The following SACS variants were observed in gnomAD, a reference collection of about 807,000 sequenced individuals.
SACS encodes the protein sacsin.
In SACS, 197 loss-of-function variants were observed where a neutral mutation model predicts 348.0. The observed-to-expected ratio is 0.57, with a 90% CI of 0.50 to 0.64. SACS has a LOEUF of 0.64. Among genes scored for constraint, SACS ranks in the 30% least tolerant of loss-of-function variants. The pLI, the probability that SACS is intolerant of heterozygous loss-of-function variation, is 0.00. For synonymous variants in SACS, 1,985 were observed against 1,910.6 expected, an observed-to-expected ratio of 1.04 and a Z score of -1.02; for missense variants, 4,999 against 5,360.8, an observed-to-expected ratio of 0.93 and a Z score of 2.11.
At chr13:23,397,536 G>T (rs1008601908) in intron 2 of SACS, among the ~76,000 whole-genome samples, 6 of 151,994 alleles carry the variant, frequency 3.9e-5, no homozygotes, top group African/African-American at 1.2e-4. Flanking sequence ...TTTTAAAAAG[G>T]TTTTCTTTAT....
intron 2 of SACS, chr13:23,375,588 A>G: frequency 9.9e-6 from 10 of 1,009,970 alleles, no homozygotes; most frequent in Non-Finnish European, 1.2e-5. Flanking sequence ...CCGGCCCTGC[A>G]GGCGCCGCCC....
At chr13:23,429,150 G>C (rs904275872) in intron 1 of SACS, among the ~76,000 whole-genome samples, 2 of 151,886 alleles carry the variant, frequency 1.3e-5, no homozygotes, top group African/African-American at 4.8e-5. Context: ...TAGATTATAT[G>C]ACTAAAATAT....
At chr13:23,406,943 C>A (rs534606613) in intron 2 of SACS, among the ~76,000 whole-genome samples, 22 of 152,306 alleles carry the variant, frequency 1.4e-4, no homozygotes, top group African/African-American at 5.3e-4. Context: ...TGTCTTTGAG[C>A]TATTTTTCAC....
Position 23,354,511 on chromosome 13 carries a change from A to C in SACS, c.2093+8T>G, listed in dbSNP as rs1382421871. ...AGTGAACAGGAATGTTAGAAGGGGG[A>C]CCCCTACCTTGGATATTCTGCTGAG... On this transcript the variant is annotated splice_region_variant and intron_variant, in intron 8 of 9. Coordinates refer to ENST00000382292, the MANE Select transcript of SACS (RefSeq NM_014363.6). The C allele has an allele frequency of 1.9e-6, 3 of 1,612,614 alleles. No individual in the cohort carries two copies. Among genetic ancestry groups the C allele is most frequent in the Middle Eastern group, 1.7e-4 (1 of 6,052 alleles).
intron 9 of SACS, among the ~76,000 whole-genome samples, chr13:23,352,992 T>C (rs1428121361): frequency 6.6e-6 from 1 of 150,734 alleles, no homozygotes; most frequent in African/African-American, 2.5e-5. Context: ...AAAAGACACA[T>C]CACAGAGTAT....
intron 1 of SACS, among the ~76,000 whole-genome samples, chr13:23,421,179 A>G (rs901585313): frequency 1.3e-5 from 2 of 151,544 alleles, no homozygotes; most frequent in African/African-American, 4.9e-5. Context: ...TGTGGCTTCC[A>G]TAGCCACCTG....
At chr13:23,351,226 A>G (rs560136183) in intron 9 of SACS, among the ~76,000 whole-genome samples, 130 of 152,322 alleles carry the variant, frequency 8.5e-4, no homozygotes, top group African/African-American at 3.0e-3. Flanking sequence ...ATAAAGTTAT[A>G]TCAAAAACTA....
At chr13:23,378,889 GA>G (rs1871926037) in intron 2 of SACS, among the ~76,000 whole-genome samples, 1 of 152,264 alleles carries the variant, frequency 6.6e-6, no homozygotes, top group Admixed American at 6.5e-5. Flanking sequence ...ATAAACTTGT[GA>G]AACACTCCAT....
chr13:23,353,728 T>G (rs888047722), intron 9 of SACS, 57 bp downstream of exon 9: 3 of 1,019,002 alleles, frequency 2.9e-6, no homozygotes, highest in Non-Finnish European at 4.4e-6. Context: ...AGAAAACTTT[T>G]AAAAAACTTG....
At position 23,338,963 on chromosome 13, in the gene SACS, C is replaced by T. The variant is rs774163551; in HGVS notation, c.4913G>A (p.Ser1638Asn). Residue 1638 changes from serine (S) to asparagine (N), a missense_variant, in exon 10 of 10, where the codon AGC becomes AAC. This residue lies in a region of SACS where 3,156 missense variants were observed against 3,380.1 expected (regional missense o/e 0.93). Coordinates refer to ENST00000382292, the MANE Select transcript of SACS (RefSeq NM_014363.6). ...QLPLTVEAPY[S>N]YNGTLFRLSF... Reference sequence around the variant, plus strand: ...CAGTCGGAAAAGGGTTCCATTATAGCTGTAAGGTGCTTCTACAGTCAAAGG... The same window carrying T: ...CAGTCGGAAAAGGGTTCCATTATAGTTGTAAGGTGCTTCTACAGTCAAAGG... 3.1e-6 allele frequency: 5 copies of T among 1,613,894 alleles called. No homozygotes were observed. In the Admixed American group the frequency reaches 6.7e-5, roughly 22 times the overall value.
chr13:23,365,809 A>C lies in SACS; in HGVS notation c.346-532T>G, dbSNP rs1188114247. 2.0e-5 allele frequency among the ~76,000 whole-genome samples: 3 copies of C among 152,212 alleles called. No individual in the cohort carries two copies. The East Asian group carries it at 5.8e-4, about 29-fold the overall frequency. ...AGATATAAAAATGTCTTTGTCCTGC[A>C]CTAAACTGAAAGCTTCCAGATGGTC... is the stretch of plus-strand genomic sequence containing the variant. On this transcript the variant is annotated intron_variant, in intron 5 of 9. Transcript: ENST00000382292.
chr13:23,340,920 A>C lies in SACS; in HGVS notation c.2956T>G (p.Leu986Val). Residue 986 changes from leucine (L) to valine (V), a missense_variant, in exon 10 of 10, where the codon TTA becomes GTA. By Grantham distance (32) the Leu-to-Val change is conservative (BLOSUM62 1). Coordinates refer to ENST00000382292, the MANE Select transcript of SACS (RefSeq NM_014363.6). ...AGCTTTAAGCAGCTAGTGGTCTTTA[A>C]CTGTTCTATTTTCAACATGTTTGCC... ...RLANMLKIEQ[L>V]KTTSCLKLVL... 2 of 1,613,950 alleles carry C rather than the reference A, an allele frequency of 1.2e-6. No individual in the cohort carries two copies. Among genetic ancestry groups the C allele is most frequent in the Non-Finnish European group, 1.7e-6 (2 of 1,179,822 alleles).
rs375771191 is a variant in SACS at position 23,333,482 on chromosome 13, A to C, written c.10394T>G (p.Val3465Gly). The change falls in exon 10 of 10, where the codon GTG becomes GGG. Residue 3465 changes from valine (V) to glycine (G), a missense_variant. Physicochemically the swap from Val to Gly is moderately radical, Grantham distance 109 (BLOSUM62 -3). Coordinates refer to ENST00000382292, the MANE Select transcript of SACS (RefSeq NM_014363.6). The stretch of plus-strand genomic sequence containing the variant: ...ATCATCTACAGGTACACAACCAATC[A>C]CCTCATATAGTTCTTTTAAGTGTAT... ...EKIHLKELYE[V>G]IGCVPVDDLE... The C allele has an allele frequency of 5.6e-6, 9 of 1,612,850 alleles. No individual in the cohort carries two copies. In the African/African-American group the frequency reaches 1.2e-4, roughly 22 times the overall value.
rs200888451 is a variant in SACS, at chr13:23,337,379, C to T, written c.6497G>A (p.Arg2166His). The T allele has an allele frequency of 4.3e-6, 7 of 1,613,834 alleles. No homozygotes were observed. Among genetic ancestry groups the T allele is most frequent in the Admixed American group, 1.7e-5 (1 of 59,980 alleles). Reference protein sequence around the residue: ...DDILWDDMLERAVSVAEINKS... With the variant: ...DDILWDDMLEHAVSVAEINKS... ...ATTAATTTCAGCTACTGACACTGCACGTTCTAGCATATCATCCCATAAAAT... is the reference window on the plus strand; with the variant it reads ...ATTAATTTCAGCTACTGACACTGCATGTTCTAGCATATCATCCCATAAAAT... The change falls in exon 10 of 10, where the codon CGT (arginine) becomes CAT (histidine). Residue 2166 changes from arginine (R) to histidine (H), a missense_variant. Arg to His is a conservative substitution (Grantham distance 29). Transcript: ENST00000382292.
intron 1 of SACS, among the ~76,000 whole-genome samples, chr13:23,425,542 C>A (rs957757344): frequency 9.9e-5 from 15 of 152,148 alleles, no homozygotes; most frequent in African/African-American, 3.4e-4. Flanking sequence ...GGCCTTATGT[C>A]CATGGTGGTG....
chr13:23,360,372 A>G (rs1310076606), intron 6 of SACS, among the ~76,000 whole-genome samples: 2 of 151,616 alleles, frequency 1.3e-5, no homozygotes, highest in East Asian at 1.9e-4. Context: ...ATGTCCATTA[A>G]AAGTATCTAC....
intron 2 of SACS, 140 bp from the exon 3 acceptor site, chr13:23,375,409 C>T (rs939968453): frequency 8.2e-7 from 1 of 1,226,610 alleles, no homozygotes; most frequent in Non-Finnish European, 1.0e-6. Flanking sequence ...CGCCGGCGCC[C>T]GATCACGGCC....
In SACS at chr13:23,330,560, T is replaced by C. The variant is rs765556647; in HGVS notation, c.13316A>G (p.Lys4439Arg). 8.7e-6 allele frequency: 14 copies of C among 1,613,958 alleles called. No individual in the cohort carries two copies. The African/African-American group carries it at 1.1e-4, about 12-fold the overall frequency. The change falls in exon 10 of 10, where the codon AAG becomes AGG. Residue 4439 changes from lysine to arginine, a missense_variant. Physicochemically the swap from Lys to Arg is conservative, Grantham distance 26 (BLOSUM62 2). Transcript: ENST00000382292. ...TGCTTCCACTGGATTGCCAACCGAC[T>C]TGAAAGTGGGAGGAACAAAGAACCT... is the stretch of plus-strand genomic sequence containing the variant. Reference protein sequence around the residue: ...SQRFFVPPTFKSVGNPVEARR... With the variant: ...SQRFFVPPTFRSVGNPVEARR...
intron 9 of SACS, among the ~76,000 whole-genome samples, chr13:23,352,811 G>A (rs1870051385): frequency 3.3e-5 from 5 of 152,160 alleles, no homozygotes; most frequent in Admixed American, 3.3e-4. Context: ...GCAAATCCCT[G>A]ATGGGAAACA....
Sources: allele counts gnomAD v4.1 joint callset (sites outside exome capture counted in the v4.1 genomes callset), GRCh38; gene constraint gnomAD v4.1.1; regional missense constraint gnomAD v4.1.1; transcripts MANE v1.5; gene names NCBI Gene and HGNC (gene_info 2026-07-23, HGNC 2026-07-21).